OPCML: variants seen among roughly 807,000 people sequenced by gnomAD.
OPCML encodes the protein opioid binding protein/cell adhesion molecule like, also known as opioid-binding protein/cell adhesion molecule.
OPCML carries 13 observed loss-of-function variants against 37.8 expected under a neutral mutation model. That is an observed-to-expected ratio of 0.34 (90% CI 0.22 to 0.55). The LOEUF (loss-of-function observed/expected upper bound fraction) is 0.55. OPCML is among the 20% of genes least tolerant of loss of function. The pLI, the probability that OPCML is intolerant of heterozygous loss-of-function variation, is 0.91. For missense variants in OPCML, 341 were observed against 435.6 expected (o/e 0.78, Z 1.93); for synonymous variants, 176 against 168.8 (o/e 1.04, Z -0.33).
chr11:132,962,957 A>G (rs2068178801), intron 1 of OPCML, among the ~76,000 whole-genome samples: 1 of 152,182 alleles, frequency 6.6e-6, no homozygotes. Flanking sequence ...TTTCTCTGCC[A>G]GACAGAGCAG....
At chr11:132,422,752 G>A (rs1220373067) in intron 7 of OPCML, among the ~76,000 whole-genome samples, 1 of 152,190 alleles carries the variant, frequency 6.6e-6, no homozygotes, top group African/African-American at 2.4e-5. Context: ...CCTTGAGCTG[G>A]ATTAGAACCA....
At chr11:132,706,616 T>G (rs1038816817) in intron 2 of OPCML, among the ~76,000 whole-genome samples, 1 of 152,114 alleles carries the variant, frequency 6.6e-6, no homozygotes, top group Non-Finnish European at 1.5e-5. Context: ...CCCAATGTAG[T>G]AAAATTCCAT....
At position 132,749,850 on chromosome 11, in the gene OPCML, T is replaced by C. The variant is rs560319607; in HGVS notation, c.147-92531A>G. Among the ~76,000 whole-genome samples, 4 of 152,250 alleles carry C rather than the reference T, an allele frequency of 2.6e-5. No individual in the cohort carries two copies. In the South Asian group the frequency reaches 8.3e-4, roughly 32 times the overall value. On this transcript the variant is annotated intron_variant, in intron 2 of 7. Coordinates refer to ENST00000524381, the MANE Select transcript of OPCML (RefSeq NM_001012393.5). ...AGGATAGTGAAACCTACTTTAACCA[T>C]TGAATTTGTTTATTTATTTATTTAT... is the stretch of plus-strand genomic sequence containing the variant.
rs559230197 is a variant in OPCML at position 132,537,171 on chromosome 11, T to C, written c.380-7985A>G. 1.3e-4 allele frequency among the ~76,000 whole-genome samples: 20 copies of C among 152,296 alleles called. No homozygotes were observed. The South Asian group carries it at 3.9e-3, about 30-fold the overall frequency. ...CCTAGCATTAAGTGCTGTATATACA[T>C]TGCTTCCTTTAATTCCCAACACATT... On this transcript the variant is annotated intron_variant, in intron 3 of 7. Coordinates refer to ENST00000524381, the MANE Select transcript of OPCML (RefSeq NM_001012393.5).
rs1207060160 is a variant in OPCML, at chr11:133,225,065, G to A, written c.62-282055C>T. Among the ~76,000 whole-genome samples, 4 of 152,338 alleles carry A rather than the reference G, an allele frequency of 2.6e-5. No homozygotes were observed. In the East Asian group the frequency reaches 7.7e-4, roughly 29 times the overall value. On this transcript the variant is annotated intron_variant, in intron 1 of 7. Transcript: ENST00000524381. ...ATGAAGTACTTGGGGGACATGAAGTGCTCTGTAAATGTGTATTATTCTTGC... is the reference window on the plus strand; with the variant it reads ...ATGAAGTACTTGGGGGACATGAAGTACTCTGTAAATGTGTATTATTCTTGC...
chr11:133,461,747 C>A (rs1946864889), intron 1 of OPCML, among the ~76,000 whole-genome samples: 1 of 151,846 alleles, frequency 6.6e-6, no homozygotes. Flanking sequence ...TCTACCATAA[C>A]CCAGTGATAT....
chr11:132,658,969 T>A (rs1941832572), intron 2 of OPCML, among the ~76,000 whole-genome samples: 1 of 152,200 alleles, frequency 6.6e-6, no homozygotes, highest in Admixed American at 6.5e-5. Context: ...ACCACAGGCA[T>A]CCCTTGCACA....
At chr11:133,169,653 T>C (rs1950261032) in intron 1 of OPCML, among the ~76,000 whole-genome samples, 1 of 152,156 alleles carries the variant, frequency 6.6e-6, no homozygotes, top group Non-Finnish European at 1.5e-5. Context: ...TTCAGTTAGA[T>C]CACAAATACA....
chr11:133,025,544 T>C (rs888845259), intron 1 of OPCML: 8 of 834,674 alleles, frequency 9.6e-6, no homozygotes, highest in Non-Finnish European at 1.0e-5. Flanking sequence ...GCTGAAAATT[T>C]AAAAAGAGTG....
chr11:132,572,781 T>G (rs1216562385), intron 3 of OPCML, among the ~76,000 whole-genome samples: 1 of 152,082 alleles, frequency 6.6e-6, no homozygotes, highest in Non-Finnish European at 1.5e-5. Flanking sequence ...TTTCTATTTC[T>G]GTAGAAAAGT....
intron 4 of OPCML, among the ~76,000 whole-genome samples, chr11:132,522,418 A>G (rs1462237615): frequency 6.6e-6 from 1 of 152,216 alleles, no homozygotes; most frequent in Non-Finnish European, 1.5e-5. Context: ...GAGTTAAAAC[A>G]CAAAAAATGT....
intron 1 of OPCML, chr11:133,006,129 G>A (rs1029353090): frequency 1.0e-6 from 1 of 985,084 alleles, no homozygotes; most frequent in Non-Finnish European, 1.2e-6. Flanking sequence ...CAGCCAGGTG[G>A]GAGGAGATCC....
chr11:132,840,765 T>C (rs137947526), intron 2 of OPCML, among the ~76,000 whole-genome samples: 65 of 152,266 alleles, frequency 4.3e-4, no homozygotes, highest in African/African-American at 1.5e-3. Flanking sequence ...GGAATTCTTT[T>C]TCAGGAGAAC....
intron 1 of OPCML, among the ~76,000 whole-genome samples, chr11:133,357,522 C>T (rs1287215128): frequency 6.6e-6 from 1 of 152,208 alleles, no homozygotes; most frequent in East Asian, 1.9e-4. Flanking sequence ...GAATTTGCTA[C>T]CAAATCTTCA....
intron 1 of OPCML, among the ~76,000 whole-genome samples, chr11:133,255,902 A>G (rs1393650079): frequency 1.3e-5 from 2 of 152,216 alleles, no homozygotes; most frequent in African/African-American, 4.8e-5. Flanking sequence ...AATGATACCA[A>G]TGGAAATGTC....
chr11:132,723,542 G>A (rs763689220), intron 2 of OPCML, among the ~76,000 whole-genome samples: 7 of 147,966 alleles, frequency 4.7e-5, no homozygotes, highest in Non-Finnish European at 7.4e-5. Context: ...GTAAACATTC[G>A]GTAATTTTAG....
chr11:132,550,553 G>T (rs2096379245), intron 3 of OPCML, among the ~76,000 whole-genome samples: 1 of 152,176 alleles, frequency 6.6e-6, no homozygotes, highest in Non-Finnish European at 1.5e-5. Context: ...ACAGCCTGCA[G>T]AACCATCAAC....
At chr11:133,348,370 C>T (rs1433190841) in intron 1 of OPCML, among the ~76,000 whole-genome samples, 1 of 152,208 alleles carries the variant, frequency 6.6e-6, no homozygotes, top group South Asian at 2.1e-4. Context: ...TGTCGTGCAT[C>T]GAGCAGGTGC....
At chr11:133,084,657 G>C (rs1948792383) in intron 1 of OPCML, among the ~76,000 whole-genome samples, 1 of 152,194 alleles carries the variant, frequency 6.6e-6, no homozygotes, top group South Asian at 2.1e-4. Context: ...GGCCTGGCCT[G>C]ATCAGAGAGG....
Sources: allele counts gnomAD v4.1 joint callset (sites outside exome capture counted in the v4.1 genomes callset), GRCh38; gene constraint gnomAD v4.1.1; transcripts MANE v1.5; gene names NCBI Gene and HGNC (gene_info 2026-07-23, HGNC 2026-07-21).